Variants in SV2A observed in about 807,000 individuals in gnomAD.
The protein encoded by SV2A is synaptic vesicle glycoprotein 2A.
SV2A carries 25 observed loss-of-function variants against 78.0 expected under a neutral mutation model. That is an observed-to-expected ratio of 0.32 (90% CI 0.23 to 0.45). The LOEUF (loss-of-function observed/expected upper bound fraction) is 0.45, where lower values mean the gene tolerates loss of function less well. Ranked by LOEUF, SV2A falls within the 20% of genes least tolerant of loss-of-function variation. SV2A has a pLI of 1.00. For synonymous variants in SV2A, 355 were observed against 384.7 expected (o/e 0.92, Z 0.90); for missense variants, 752 against 971.5 (o/e 0.77, Z 3.00).
At position 149,904,110 on chromosome 1, in the gene SV2A, C is replaced by T. The variant is rs2092417207; in HGVS notation, c.*904G>A. The T allele has an allele frequency of 6.5e-6, 1 of 152,854 alleles. No homozygotes were observed. The highest frequency in any genetic ancestry group is 2.4e-5 in the African/African-American group (1 of 41,442). The allele number at this position is 152,854 out of a possible 1,614,324, so 9.5% of individuals were successfully genotyped here. ...TGGAGCCTCTCACTCCAGAGGAGGC[C>T]TCTGCTTCTTGAGGAGGGAAGGAGA... On this transcript the variant is annotated 3_prime_UTR_variant, in exon 13 of 13. Coordinates refer to ENST00000369146, the MANE Select transcript of SV2A (RefSeq NM_014849.5).
chr1:149,909,127 A>G, intron 8 of SV2A, 65 bp downstream of exon 8: 1 of 1,507,032 alleles, frequency 6.6e-7, no homozygotes, highest in Non-Finnish European at 9.2e-7. Flanking sequence ...CATTCTCCCC[A>G]CCTCTCTCCC....
intron 7 of SV2A, 88 bp from the exon 8 acceptor site, chr1:149,909,368 C>T: frequency 6.4e-7 from 1 of 1,551,976 alleles, no homozygotes; most frequent in Non-Finnish European, 8.9e-7. Flanking sequence ...CACCTCCCTT[C>T]AGCTCACCCA....
intron 1 of SV2A, among the ~76,000 whole-genome samples, chr1:149,915,656 C>T (rs2092507716): frequency 1.3e-5 from 2 of 152,282 alleles, no homozygotes; most frequent in Middle Eastern, 3.4e-3. Context: ...CCTTTCTGCT[C>T]CTCCTCCAGG....
rs782744956 is a variant in SV2A at position 149,908,190 on chromosome 1, C to T, written c.1396G>A (p.Val466Ile). The T allele has an allele frequency of 9.3e-6, 15 of 1,613,942 alleles. No homozygotes were observed. Among genetic ancestry groups the T allele is most frequent in the East Asian group, 2.2e-5 (1 of 44,878 alleles). The change falls in exon 9 of 13, where the codon GTC becomes ATC. Residue 466 changes from valine to isoleucine, a missense_variant. Physicochemically the swap from Val to Ile is conservative, Grantham distance 29 (BLOSUM62 3). This residue lies in a region of SV2A where 10 missense variants were observed against 31.1 expected (regional missense o/e 0.32). Coordinates refer to ENST00000369146, the MANE Select transcript of SV2A (RefSeq NM_014849.5). ...TMSFSYYGLTVWFPDMIRHLQ... is the reference protein window; with the variant it reads ...TMSFSYYGLTIWFPDMIRHLQ... ...TGGCGGATCATGTCAGGAAACCAGACGGTCAGGCCATAGTAGCTGAAGAGT... is the reference window on the plus strand; with the variant it reads ...TGGCGGATCATGTCAGGAAACCAGATGGTCAGGCCATAGTAGCTGAAGAGT...
In SV2A at chr1:149,909,248, G is replaced by A. The variant is rs782593178; in HGVS notation, c.1323C>T (p.Pro441=). ...TCATCAGAGTGATGCGCCGATATTCGGGACCAAAACAGGAGAGAAAATTCC... is the reference window on the plus strand; with the variant it reads ...TCATCAGAGTGATGCGCCGATATTCAGGACCAAAACAGGAGAGAAAATTCC... ...VWGNFLSCFG[P]EYRRITLMMM... Residue 441 remains proline, a synonymous_variant, in exon 8 of 13, where the codon CCC becomes CCT. Transcript: ENST00000369146. 55 of 1,613,796 alleles carry A rather than the reference G, an allele frequency of 3.4e-5. No homozygotes were observed. Among genetic ancestry groups the A allele is most frequent in the African/African-American group, 1.2e-4 (9 of 74,812 alleles).
At chr1:149,909,722 G>A (rs1421311839) in intron 6 of SV2A, 79 bp downstream of exon 6, 1 of 1,486,312 alleles carries the variant, frequency 6.7e-7, no homozygotes, top group Admixed American at 1.7e-5. Flanking sequence ...GGTCTGAGGT[G>A]GGGGGTACTC....
chr1:149,912,096 C>T, intron 2 of SV2A, 116 bp from the exon 3 acceptor site: 1 of 1,048,948 alleles, frequency 9.5e-7, no homozygotes, highest in South Asian at 1.7e-5. Context: ...GGTAAGTCTA[C>T]CCAGAGATTA....
chr1:149,908,757 C>T (rs2092455439), intron 8 of SV2A, among the ~76,000 whole-genome samples: 1 of 152,224 alleles, frequency 6.6e-6, no homozygotes, highest in Non-Finnish European at 1.5e-5. Context: ...CCTGCCTCAG[C>T]CTCCAGAGTA....
chr1:149,913,434 C>G lies in SV2A; in HGVS notation c.407G>C (p.Arg136Pro), dbSNP rs200722955. 13 of 1,613,700 alleles carry G rather than the reference C, an allele frequency of 8.1e-6. 1 individual carries two copies. The East Asian group carries it at 2.7e-4, about 33-fold the overall frequency. ...TTCTTTCCGTCGTTGTGCCTCCCCCCGGCCCCCAGGGGGACCCTCCCCATC... is the reference window on the plus strand; with the variant it reads ...TTCTTTCCGTCGTTGTGCCTCCCCCGGGCCCCCAGGGGGACCCTCCCCATC... Reference protein sequence around the residue: ...LSDGEGPPGGRGEAQRRKERE... With the variant: ...LSDGEGPPGGPGEAQRRKERE... The change falls in exon 2 of 13, where the codon CGG becomes CCG. Residue 136 changes from arginine (R) to proline (P), a missense_variant. By Grantham distance (103) the Arg-to-Pro change is moderately radical. Transcript: ENST00000369146.
At chr1:149,907,600 T>C in intron 10 of SV2A, 100 bp downstream of exon 10, 1 of 1,443,582 alleles carries the variant, frequency 6.9e-7, no homozygotes, top group Non-Finnish European at 9.2e-7. Flanking sequence ...GGTCCAGGGA[T>C]CTCAGCTTGA....
At chr1:149,908,434 A>G (rs1404222387) in intron 8 of SV2A, among the ~76,000 whole-genome samples, 1 of 152,110 alleles carries the variant, frequency 6.6e-6, no homozygotes, top group Non-Finnish European at 1.5e-5. Context: ...CACAGCAGCC[A>G]CTATACTTTT....
chr1:149,909,668 G>C, intron 6 of SV2A, 97 bp from the exon 7 acceptor site: 1 of 1,438,232 alleles, frequency 7.0e-7, no homozygotes, highest in Non-Finnish European at 9.8e-7. Context: ...ATGGGAGGCA[G>C]GAGGTGGATA....
chr1:149,905,662 C>G, intron 12 of SV2A: 1 of 557,848 alleles, frequency 1.8e-6, no homozygotes, highest in Admixed American at 3.1e-5. Context: ...AGGCTGGTCT[C>G]AAACTCCTGA....
chr1:149,909,650 T>C (rs1295695797), intron 6 of SV2A, 79 bp from the exon 7 acceptor site: 4 of 1,474,068 alleles, frequency 2.7e-6, no homozygotes, highest in African/African-American at 1.4e-5. Context: ...TTCCCCTGCA[T>C]TAGCAAAATG....
chr1:149,905,455 C>A, intron 12 of SV2A: 1 of 372,556 alleles, frequency 2.7e-6, no homozygotes, highest in Non-Finnish European at 4.8e-6. Flanking sequence ...ATTTTTTTTT[C>A]CTTTTTTTTT....
chr1:149,909,996 G>T, intron 5 of SV2A, 106 bp from the exon 6 acceptor site: 1 of 1,049,928 alleles, frequency 9.5e-7, no homozygotes, highest in Non-Finnish European at 1.4e-6. Flanking sequence ...GACACTAAAT[G>T]GTTCCCAGCC....
At chr1:149,908,491 C>T (rs1170182726) in intron 8 of SV2A, among the ~76,000 whole-genome samples, 2 of 152,136 alleles carry the variant, frequency 1.3e-5, no homozygotes, top group African/African-American at 2.4e-5. Context: ...AAACACTCTT[C>T]TCCACCCCAG....
At chr1:149,908,885 G>A (rs969617154) in intron 8 of SV2A, among the ~76,000 whole-genome samples, 41 of 152,140 alleles carry the variant, frequency 2.7e-4, no homozygotes, top group African/African-American at 9.4e-4. Flanking sequence ...CGCCCGCCTC[G>A]TCCTCCCAAA....
At chr1:149,909,076 T>G (rs1571500999) in intron 8 of SV2A, 116 bp downstream of exon 8, 1 of 952,388 alleles carries the variant, frequency 1.0e-6, no homozygotes, top group South Asian at 1.4e-5. Context: ...TCAGAGGGGG[T>G]CTGCATGGCA....
Sources: gnomAD v4.1 joint callset for allele counts (sites outside exome capture counted in the v4.1 genomes callset) on GRCh38, gnomAD v4.1.1 for gene constraint, gnomAD v4.1.1 regional missense constraint, MANE v1.5 for transcripts, NCBI Gene and HGNC (gene_info 2026-07-23, HGNC 2026-07-21) for gene names.